Variants in COL4A6 observed in about 807,000 individuals in gnomAD.
COL4A6 encodes collagen type IV alpha 6 chain, also known as collagen alpha-6(IV) chain.
In COL4A6, 59 loss-of-function variants were observed where a neutral mutation model predicts 126.7. That is an observed-to-expected ratio of 0.47 (90% CI 0.38 to 0.58). The LOEUF (loss-of-function observed/expected upper bound fraction) is 0.58. Ranked by LOEUF, COL4A6 falls within the 20% of genes least tolerant of loss-of-function variation. The probability of loss-of-function intolerance (pLI) is 0.00; values close to 1 mark genes in which losing one functional copy is unlikely to be tolerated. For missense variants in COL4A6, 1,285 were observed against 1,337.3 expected (o/e 0.96, Z 0.61); for synonymous variants, 547 against 496.6 (o/e 1.10, Z -1.35).
chrX:108,388,060 T>G (rs1350699247), intron 2 of COL4A6, among the ~76,000 whole-genome samples: 1 of 112,277 alleles, frequency 8.9e-6, no homozygotes, highest in Admixed American at 9.4e-5. Context: ...ATCCCCAGGA[T>G]GAAGCCAACT....
At chrX:108,389,176 G>T (rs2040774007) in intron 2 of COL4A6, among the ~76,000 whole-genome samples, 2 of 112,114 alleles carry the variant, frequency 1.8e-5, no homozygotes, top group African/African-American at 6.5e-5. Flanking sequence ...GTGGTGCTGA[G>T]AAGAACACAT....
rs2039304405 is a variant in COL4A6, at chrX:108,331,671, G to T, written c.64-20843C>A. Among the ~76,000 whole-genome samples the T allele has an allele frequency of 1.8e-5, 2 of 111,496 alleles. 1 individual carries two copies. The highest frequency in any genetic ancestry group is 1.9e-4 in the Admixed American group (2 of 10,465). ...AGCAAGTCTGGAATCTGCAGGGCAG[G>T]CTGGCAGGGTAGAGACCCAGGGAAG... On this transcript the variant is annotated intron_variant, in intron 2 of 44. Transcript: ENST00000334504.
At chrX:108,193,541 T>C (rs985003398) in intron 17 of COL4A6, 87 bp downstream of exon 17, 3 of 810,895 alleles carry the variant, frequency 3.7e-6, no homozygotes, top group Non-Finnish European at 5.4e-6. Flanking sequence ...ATCGAGTAAC[T>C]AACAAAGTAT....
At position 108,276,664 on chromosome X, in the gene COL4A6, T is replaced by C. The variant is rs1324338316; in HGVS notation, c.144+34084A>G. 5.4e-5 allele frequency among the ~76,000 whole-genome samples: 6 copies of C among 111,185 alleles called. No homozygotes were observed. In the Admixed American group the frequency reaches 5.7e-4, roughly 11 times the overall value. ...CTCTCCTTTTTTTGACCTCCTAGAG[T>C]AATGCAGACCTGAGCACCTGGCTCA... On this transcript the variant is annotated intron_variant, in intron 3 of 44. Coordinates refer to ENST00000334504, the MANE Select transcript of COL4A6 (RefSeq NM_033641.4).
rs942257165 is a variant in COL4A6, at chrX:108,347,021, T to C, written c.64-36193A>G. Among the ~76,000 whole-genome samples, 33 of 112,546 alleles carry C rather than the reference T, an allele frequency of 2.9e-4. 1 individual carries two copies. Among genetic ancestry groups the C allele is most frequent in the African/African-American group, 9.4e-4 (29 of 30,975 alleles). On this transcript the variant is annotated intron_variant, in intron 2 of 44. Transcript: ENST00000334504. ...GTCATGCATTTGTATGGTTATCATA[T>C]ACTTTACAAATTTTTATTTTCCAAT... is the stretch of plus-strand genomic sequence containing the variant.
At chrX:108,346,538 T>A (rs956451046) in intron 2 of COL4A6, among the ~76,000 whole-genome samples, 3 of 111,973 alleles carry the variant, frequency 2.7e-5, no homozygotes, top group African/African-American at 9.8e-5. Context: ...ACCCACCAAA[T>A]ATCACCCATT....
intron 2 of COL4A6, among the ~76,000 whole-genome samples, chrX:108,395,115 A>T (rs771829733): frequency 3.6e-5 from 4 of 111,601 alleles, no homozygotes; most frequent in Admixed American, 2.9e-4. Flanking sequence ...TGTCATCACC[A>T]TTCCACTCCA....
chrX:108,228,725 A>G (rs1271995675), intron 3 of COL4A6, among the ~76,000 whole-genome samples: 2 of 112,057 alleles, frequency 1.8e-5, no homozygotes, highest in Non-Finnish European at 3.8e-5. Context: ...CTCACTCACT[A>G]TCAAGAAAAC....
At chrX:108,164,031 C>T (rs1036103153) in intron 40 of COL4A6, among the ~76,000 whole-genome samples, 30 of 111,619 alleles carry the variant, frequency 2.7e-4, no homozygotes, top group Non-Finnish European at 5.5e-4. Flanking sequence ...GAGTTCATTC[C>T]TACGCCATGG....
At chrX:108,249,870 G>A (rs1012045462) in intron 3 of COL4A6, among the ~76,000 whole-genome samples, 5 of 111,797 alleles carry the variant, frequency 4.5e-5, no homozygotes, top group South Asian at 3.8e-4. Context: ...TCCCTTTCAG[G>A]AGTCTGCAGT....
At chrX:108,282,742 C>T (rs2147812912) in intron 3 of COL4A6, among the ~76,000 whole-genome samples, 1 of 107,864 alleles carries the variant, frequency 9.3e-6, no homozygotes, top group African/African-American at 3.4e-5. Flanking sequence ...GACTTGGAAC[C>T]AACCCAAATG....
At chrX:108,351,680 A>C (rs1476399661) in intron 2 of COL4A6, among the ~76,000 whole-genome samples, 1 of 111,567 alleles carries the variant, frequency 9.0e-6, no homozygotes, top group African/African-American at 3.3e-5. Context: ...AAGATTCAAC[A>C]GGAAGCTTTG....
At chrX:108,393,809 G>A (rs752281680) in intron 2 of COL4A6, among the ~76,000 whole-genome samples, 119 of 112,089 alleles carry the variant, frequency 1.1e-3, no homozygotes, top group African/African-American at 3.5e-3. Flanking sequence ...AAAAAGGAAC[G>A]CTTTTACACT....
chrX:108,333,459 C>T (rs2039355137), intron 2 of COL4A6, among the ~76,000 whole-genome samples: 1 of 110,874 alleles, frequency 9.0e-6, no homozygotes, highest in Admixed American at 9.7e-5. Flanking sequence ...CAGCCAACAT[C>T]ATATTGAACA....
chrX:108,406,335 C>A (rs1214341068), intron 2 of COL4A6, among the ~76,000 whole-genome samples: 1 of 111,911 alleles, frequency 8.9e-6, no homozygotes, highest in African/African-American at 3.2e-5. Flanking sequence ...TTATCTTAAC[C>A]CTTTACTTAC....
At chrX:108,389,954 T>A (rs969573643) in intron 2 of COL4A6, among the ~76,000 whole-genome samples, 1 of 111,872 alleles carries the variant, frequency 8.9e-6, no homozygotes, top group Non-Finnish European at 1.9e-5. Flanking sequence ...CATTTGCTTG[T>A]CTGTAAAGGA....
intron 2 of COL4A6, among the ~76,000 whole-genome samples, chrX:108,344,298 T>C (rs1346972116): frequency 1.8e-5 from 2 of 111,149 alleles, no homozygotes; most frequent in Non-Finnish European, 3.8e-5. Context: ...GGTAAGGTAG[T>C]GATCCCAGCC....
At chrX:108,438,849 A>G (rs759530364), upstream of COL4A6, among the ~76,000 whole-genome samples, 43 of 112,584 alleles carry the variant, frequency 3.8e-4, no homozygotes, top group Non-Finnish European at 7.5e-4. Context: ...CGTGAAATAG[A>G]TCCAAAACCT....
rs1452879195 is a variant in COL4A6 at position 108,162,988 on chromosome X, C to A, written c.4120G>T (p.Val1374Phe). The change falls in exon 41 of 45, where the codon GTC becomes TTC. Residue 1374 changes from valine to phenylalanine, a missense_variant. Val to Phe is a conservative substitution (Grantham distance 50). Coordinates refer to ENST00000334504, the MANE Select transcript of COL4A6 (RefSeq NM_033641.4). ...CCCAAGGGTCCAGGAGGAACCTGGA[C>A]AGCTTCTGCAGTTGGTGTTTGTCCA... ...DPGQTPTAEA[V>F]QVPPGPLGLP... 1 of 1,197,860 alleles carries A rather than the reference C, an allele frequency of 8.3e-7. No homozygotes were observed. Among genetic ancestry groups the A allele is most frequent in the Non-Finnish European group, 1.1e-6 (1 of 890,492 alleles).
Sources: allele counts gnomAD v4.1 joint callset (sites outside exome capture counted in the v4.1 genomes callset), GRCh38; gene constraint gnomAD v4.1.1; transcripts MANE v1.5; gene names NCBI Gene and HGNC (gene_info 2026-07-23, HGNC 2026-07-21).